PDE3B: variants seen among roughly 807,000 people sequenced by gnomAD.
PDE3B encodes the protein cGMP-inhibited 3',5'-cyclic phosphodiesterase 3B.
Under a neutral mutation model 116.8 loss-of-function variants are expected in PDE3B, and 66 were observed. The ratio of observed to expected loss-of-function variants is 0.56; its 90% CI spans 0.46 to 0.69. The LOEUF is 0.69. Ranked by LOEUF, PDE3B falls within the 30% of genes least tolerant of loss-of-function variation. The pLI is 0.00. For missense variants in PDE3B, 1,384 were observed against 1,368.1 expected (o/e 1.01, Z -0.18); for synonymous variants, 595 against 533.6 (o/e 1.12, Z -1.59).
intron 1 of PDE3B, among the ~76,000 whole-genome samples, chr11:14,682,574 C>T (rs141145609): frequency 1.1e-3 from 163 of 152,102 alleles, no homozygotes; most frequent in African/African-American, 3.6e-3. Flanking sequence ...TTTTTTGCAT[C>T]AATATGATCA....
At position 14,644,748 on chromosome 11, in the gene PDE3B, C is replaced by T. The variant is rs369498154; in HGVS notation, c.673C>T (p.Leu225=). The T allele has an allele frequency of 5.8e-4, 926 of 1,587,102 alleles. 2 individuals are homozygous for T. The highest frequency in any genetic ancestry group is 7.3e-4 in the Non-Finnish European group (854 of 1,167,742). Residue 225 remains leucine (L), a synonymous_variant, in exon 1 of 16, where the codon CTG becomes TTG. Coordinates refer to ENST00000282096, the MANE Select transcript of PDE3B (RefSeq NM_000922.4). ...CCGGCACTGCGTTCTGGTGCTGCTC[C>T]TGGCCAGCTTCGTCTGGTGGGTCTC... ...RLRHCVLVLL[L]ASFVWWVSFT...
intron 1 of PDE3B, among the ~76,000 whole-genome samples, chr11:14,679,460 G>A (rs1454712136): frequency 6.6e-6 from 1 of 152,178 alleles, no homozygotes; most frequent in African/African-American, 2.4e-5. Flanking sequence ...AAGACACCAA[G>A]AACCTAGACG....
intron 1 of PDE3B, among the ~76,000 whole-genome samples, chr11:14,750,986 G>A (rs572458469): frequency 2.7e-4 from 41 of 152,132 alleles, no homozygotes; most frequent in African/African-American, 6.5e-4. Flanking sequence ...CCTGTTCTAC[G>A]TTTCTGTCAT....
At chr11:14,788,516 C>A (rs868306892) in intron 3 of PDE3B, among the ~76,000 whole-genome samples, 32 of 152,010 alleles carry the variant, frequency 2.1e-4, no homozygotes, top group African/African-American at 7.5e-4. Context: ...TTATGTAAAT[C>A]TCAGTAAAAC....
At chr11:14,801,378 A>T (rs1023525119) in intron 4 of PDE3B, among the ~76,000 whole-genome samples, 2 of 152,134 alleles carry the variant, frequency 1.3e-5, no homozygotes, top group African/African-American at 4.8e-5. Context: ...TTTCCTTCTA[A>T]CAGTCAGGCC....
intron 1 of PDE3B, among the ~76,000 whole-genome samples, chr11:14,646,977 G>A (rs889518124): frequency 6.6e-6 from 1 of 151,936 alleles, no homozygotes; most frequent in African/African-American, 2.4e-5. Context: ...CTAATATTCT[G>A]TCTACAAAAT....
chr11:14,874,879 T>C (rs1340215723), downstream of PDE3B, among the ~76,000 whole-genome samples: 1 of 152,180 alleles, frequency 6.6e-6, no homozygotes, highest in African/African-American at 2.4e-5. Context: ...TTGTTGATGT[T>C]TCCTCAGTCA....
chr11:14,698,911 A>G (rs1248113452), intron 1 of PDE3B: 1 of 151,986 alleles, frequency 6.6e-6, no homozygotes, highest in African/African-American at 2.4e-5. Context: ...ATGGAGGAAA[A>G]TGAGTGACCA....
rs1164912107 is a variant in PDE3B, at chr11:14,846,828, A to G, written c.2520+2802A>G. 3.9e-5 allele frequency among the ~76,000 whole-genome samples: 6 copies of G among 152,304 alleles called. No homozygotes were observed. In the South Asian group the frequency reaches 1.2e-3, roughly 32 times the overall value. On this transcript the variant is annotated intron_variant, in intron 12 of 15. Coordinates refer to ENST00000282096, the MANE Select transcript of PDE3B (RefSeq NM_000922.4). Reference sequence around the variant, plus strand: ...ATATGCACCCAATACAGGAGCACCCAGATTCATAAAGCAAGTCCTGAGTAA... The same window carrying G: ...ATATGCACCCAATACAGGAGCACCCGGATTCATAAAGCAAGTCCTGAGTAA...
intron 1 of PDE3B, among the ~76,000 whole-genome samples, chr11:14,704,570 G>T (rs112112535): frequency 5.5e-4 from 84 of 151,816 alleles, no homozygotes; most frequent in African/African-American, 1.8e-3. Flanking sequence ...ATTAGTGATA[G>T]AATGGATATT....
At chr11:14,738,374 G>A (rs1364108961) in intron 1 of PDE3B, among the ~76,000 whole-genome samples, 3 of 152,242 alleles carry the variant, frequency 2.0e-5, no homozygotes, top group Non-Finnish European at 2.9e-5. Flanking sequence ...GACCAGTGAT[G>A]ATGAGCTTTC....
At chr11:14,874,798 T>C (rs781884947), downstream of PDE3B, among the ~76,000 whole-genome samples, 2 of 152,322 alleles carry the variant, frequency 1.3e-5, no homozygotes, top group East Asian at 3.9e-4. Flanking sequence ...ATTTAGATAG[T>C]ATTGTCACAT....
At chr11:14,701,351 TA>T (rs1323521054) in intron 1 of PDE3B, among the ~76,000 whole-genome samples, 7 of 151,778 alleles carry the variant, frequency 4.6e-5, no homozygotes, top group African/African-American at 1.7e-4. Flanking sequence ...TTACAAGTGA[TA>T]ATCAAAAATT....
intron 1 of PDE3B, among the ~76,000 whole-genome samples, chr11:14,668,571 G>C (rs1026759866): frequency 6.6e-6 from 1 of 152,086 alleles, no homozygotes; most frequent in Non-Finnish European, 1.5e-5. Context: ...ATGAAGCAAA[G>C]AGTCTAGTTT....
chr11:14,778,551 A>C (rs913661774), intron 2 of PDE3B, among the ~76,000 whole-genome samples: 5 of 152,234 alleles, frequency 3.3e-5, no homozygotes, highest in Non-Finnish European at 5.9e-5. Context: ...ATCCAGGCAA[A>C]GAGTGTCTGG....
chr11:14,769,431 A>G (rs911568555), intron 1 of PDE3B, among the ~76,000 whole-genome samples: 1 of 151,098 alleles, frequency 6.6e-6, no homozygotes, highest in Non-Finnish European at 1.5e-5. Context: ...ATTCCTTCTC[A>G]TATTAGCAGC....
the PDE3B span, among the ~76,000 whole-genome samples, chr11:14,897,221 A>G: frequency 6.6e-6 from 1 of 152,240 alleles, no homozygotes; most frequent in African/African-American, 2.4e-5. Context: ...CTACATTTCA[A>G]AAACAGAAAA....
At chr11:14,686,127 C>G (rs1265769368) in intron 1 of PDE3B, among the ~76,000 whole-genome samples, 1 of 152,160 alleles carries the variant, frequency 6.6e-6, no homozygotes, top group East Asian at 1.9e-4. Context: ...CTTCTTCAAC[C>G]AGTCTTTTCA....
chr11:14,764,946 A>G (rs1442838401), intron 1 of PDE3B, among the ~76,000 whole-genome samples: 1 of 148,842 alleles, frequency 6.7e-6, no homozygotes, highest in African/African-American at 2.5e-5. Flanking sequence ...CAAGGTTAAT[A>G]TCTTTGCACT....
Sources: allele counts gnomAD v4.1 joint callset (sites outside exome capture counted in the v4.1 genomes callset), GRCh38; gene constraint gnomAD v4.1.1; transcripts MANE v1.5; gene names NCBI Gene and HGNC (gene_info 2026-07-23, HGNC 2026-07-21).